SIGLEC5: variants seen among roughly 807,000 people sequenced by gnomAD.
SIGLEC5 encodes sialic acid binding Ig like lectin 5.
A neutral mutation model predicts 45.9 loss-of-function variants in SIGLEC5; 34 were observed. The ratio of observed to expected loss-of-function variants is 0.74; its 90% confidence interval spans 0.56 to 0.99. The LOEUF (loss-of-function observed/expected upper bound fraction) is 0.99. SIGLEC5 is among the 50% of genes least tolerant of loss of function. SIGLEC5 has a pLI of 0.00. For synonymous variants in SIGLEC5, 203 were observed against 258.6 expected, an observed-to-expected ratio of 0.79 and a Z score of 2.06; for missense variants, 508 against 629.6, an observed-to-expected ratio of 0.81 and a Z score of 2.07.
Position 51,612,230 on chromosome 19 carries a change from C to G in SIGLEC5, c.*1G>C. 1.9e-6 allele frequency: 3 copies of G among 1,589,834 alleles called. No individual in the cohort carries two copies. Among genetic ancestry groups the G allele is most frequent in the Non-Finnish European group, 1.7e-6 (2 of 1,164,502 alleles). On this transcript the variant is annotated 3_prime_UTR_variant, in exon 9 of 9. Coordinates refer to ENST00000683636, the MANE Select transcript of SIGLEC5 (RefSeq NM_003830.4). ...GCCAGGACTGAACTCTGGGCAAATC[C>G]TCACTTGCTTGTCTTGATCTCCGAG...
chr19:51,612,241 G>T lies in SIGLEC5; in HGVS notation c.1646C>A (p.Thr549Lys). The change falls in exon 9 of 9, where the codon ACA (threonine) becomes AAA (lysine). Residue 549 changes from threonine to lysine, a missense_variant. Coordinates refer to ENST00000683636, the MANE Select transcript of SIGLEC5 (RefSeq NM_003830.4). ...PSTTEYSEIK[T>K]SK ...ACTCTGGGCAAATCCTCACTTGCTT[G>T]TCTTGATCTCCGAGTACTCCGTGGT... 2 of 1,599,704 alleles carry T rather than the reference G, an allele frequency of 1.3e-6. No homozygotes were observed. Among genetic ancestry groups the T allele is most frequent in the South Asian group, 2.2e-5 (2 of 89,974 alleles).
chr19:51,623,766 G>A (rs540294401), intron 8 of SIGLEC5, among the ~76,000 whole-genome samples: 6 of 152,238 alleles, frequency 3.9e-5, no homozygotes, highest in Non-Finnish European at 5.9e-5. Flanking sequence ...CAATCTTTAG[G>A]TGATGCTAAA....
At chr19:51,627,011 C>A in intron 7 of SIGLEC5, 138 bp downstream of exon 7, 3 of 636,856 alleles carry the variant, frequency 4.7e-6, no homozygotes, top group Non-Finnish European at 8.2e-6. Flanking sequence ...TCAAGTGATC[C>A]TCCTGCCTCA....
chr19:51,613,760 G>A (rs1387097462), intron 8 of SIGLEC5, among the ~76,000 whole-genome samples: 1 of 152,048 alleles, frequency 6.6e-6, no homozygotes, highest in Admixed American at 6.6e-5. Flanking sequence ...TAAGTAGCTT[G>A]CCCAGGGTTA....
At chr19:51,615,665 G>A (rs1056859645) in intron 8 of SIGLEC5, among the ~76,000 whole-genome samples, 5 of 152,224 alleles carry the variant, frequency 3.3e-5, no homozygotes, top group African/African-American at 9.6e-5. Flanking sequence ...GCTTCTCCAC[G>A]AGGGTCTGAA....
intron 8 of SIGLEC5, among the ~76,000 whole-genome samples, chr19:51,613,473 A>G (rs1448475246): frequency 4.6e-5 from 7 of 152,228 alleles, no homozygotes; most frequent in Middle Eastern, 6.8e-3. Flanking sequence ...TGCCTAGGTC[A>G]GGGTCTATGT....
chr19:51,627,313 TG>T, intron 6 of SIGLEC5, 65 bp from the exon 7 acceptor site: 1 of 1,565,044 alleles, frequency 6.4e-7, no homozygotes, highest in East Asian at 2.2e-5. Context: ...TCCCACCTGC[TG>T]GGCAACTTGC....
chr19:51,627,874 C>T lies in SIGLEC5; in HGVS notation c.957G>A (p.Pro319=), dbSNP rs528680868. The T allele has an allele frequency of 8.2e-5, 132 of 1,610,986 alleles. No homozygotes were observed. The South Asian group carries it at 1.3e-3, about 16-fold the overall frequency. The change falls in exon 5 of 9, where the codon CCG becomes CCA. Residue 319 remains proline, a synonymous_variant. Transcript: ENST00000683636. ...TCAGAAAAATTTGCAGGAAGCCCAG[C>T]GGGTGCTGAGCGCGGCAGGTGAAGC... ...EGGFTCRAQH[P]LGFLQIFLNL... is the part of the protein sequence containing the mutation.
chr19:51,628,083 T>A lies in SIGLEC5; in HGVS notation c.748A>T (p.Ile250Phe), dbSNP rs751141302. The change falls in exon 5 of 9, where the codon ATC (isoleucine) becomes TTC (phenylalanine). Residue 250 changes from isoleucine to phenylalanine, a missense_variant. Ile to Phe is a conservative substitution (Grantham distance 21, BLOSUM62 0). Transcript: ENST00000683636. ...GGAAGGTATGAGGTGTTTTGCAGGATCTCTAGGGCTTTGGGGAGAGAAGGG... is the reference window on the plus strand; with the variant it reads ...GGAAGGTATGAGGTGTTTTGCAGGAACTCTAGGGCTTTGGGGAGAGAAGGG... ...TIFRNGIALEILQNTSYLPVL... is the reference protein window; with the variant it reads ...TIFRNGIALEFLQNTSYLPVL... The A allele has an allele frequency of 2.0e-6, 3 of 1,529,194 alleles. No individual in the cohort carries two copies. The highest frequency in any genetic ancestry group is 2.6e-6 in the Non-Finnish European group (3 of 1,137,406). The allele number at this position is 1,529,194 out of a possible 1,614,324, so 94.7% of individuals were successfully genotyped here.
rs371481834 is a variant in SIGLEC5, at chr19:51,629,041, T to C, written c.736A>G (p.Ile246Val). 8.9e-5 allele frequency: 144 copies of C among 1,613,766 alleles called. No individual in the cohort carries two copies. The highest frequency in any genetic ancestry group is 1.2e-4 in the Non-Finnish European group (143 of 1,179,882). ...TCAGAGAGGAGGTCTTTCCTACCTA[T>C]GCCGTTCCTGAAGATGGTGATGGTC... ...PQTITIFRNG[I>V]ALEILQNTSY... is the part of the protein sequence containing the mutation. The change falls in exon 4 of 9, where the codon ATA becomes GTA. Residue 246 changes from isoleucine to valine, a missense_variant. This residue lies in a region of SIGLEC5 where 431 missense variants were observed against 428.8 expected (regional missense o/e 1.01). Transcript: ENST00000683636.
chr19:51,628,599 G>A (rs917321348), intron 4 of SIGLEC5, among the ~76,000 whole-genome samples: 7 of 151,582 alleles, frequency 4.6e-5, no homozygotes, highest in Non-Finnish European at 5.9e-5. Flanking sequence ...GTGTGCGTGT[G>A]CGGGTGTACG....
At chr19:51,623,587 T>C (rs1179070796) in intron 8 of SIGLEC5, among the ~76,000 whole-genome samples, 1 of 152,044 alleles carries the variant, frequency 6.6e-6, no homozygotes, top group Non-Finnish European at 1.5e-5. Context: ...AATACCATAG[T>C]GAGATAGTAA....
Position 51,618,443 on chromosome 19 carries a change from T to TAAAAAAAAAAAAAAAAAA in SIGLEC5, c.1465-6039_1465-6022dup, listed in dbSNP as rs1228951315. Among the ~76,000 whole-genome samples the TAAAAAAAAAAAAAAAAAA allele has an allele frequency of 6.1e-4, 30 of 49,450 alleles. 2 individuals carry two copies. Among genetic ancestry groups the TAAAAAAAAAAAAAAAAAA allele is most frequent in the Admixed American group, 1.3e-3 (4 of 3,122 alleles). 32.4% of individuals were successfully genotyped at this position (49,450 alleles called of 152,430 possible). On this transcript the variant is annotated intron_variant, in intron 8 of 8. Transcript: ENST00000683636. ...CCGCATGAGTGAGTGAGACCCTGCC[T>TAAAAAAAAAAAAAAAAAA]AAAAAAAAAAAAAAAAAAAAAAAAA...
chr19:51,618,792 CAAAAAAAAAAAAAAAA>C (rs398035001), intron 8 of SIGLEC5, among the ~76,000 whole-genome samples: 1 of 48,312 alleles, frequency 2.1e-5, no homozygotes, highest in Admixed American at 3.4e-4. Flanking sequence ...ACTCTGTCTC[CAAAAAAAAAAAAAAAA>C]AAAAAAAAGC....
Position 51,627,642 on chromosome 19 carries a change from C to T in SIGLEC5, c.1102G>A (p.Glu368Lys), listed in dbSNP as rs556965366. ...RPAPSLCWRLEEKPLEGNSSQ... is the reference protein window; with the variant it reads ...RPAPSLCWRLKEKPLEGNSSQ... ...CTGTTCCCCTCCAGCGGCTTCTCCTCAAGCCGCCAGCACAGGGAGGGGGCC... is the reference window on the plus strand; with the variant it reads ...CTGTTCCCCTCCAGCGGCTTCTCCTTAAGCCGCCAGCACAGGGAGGGGGCC... The change falls in exon 6 of 9, where the codon GAG becomes AAG. Residue 368 changes from glutamate (E) to lysine (K), a missense_variant. By Grantham distance (56) the Glu-to-Lys change is moderately conservative (BLOSUM62 1). Around this residue, in one of 2 missense-constraint regions of SIGLEC5, gnomAD observed 431 missense variants for 428.8 expected, o/e 1.01. Coordinates refer to ENST00000683636, the MANE Select transcript of SIGLEC5 (RefSeq NM_003830.4). 3.1e-6 allele frequency: 5 copies of T among 1,611,738 alleles called. No individual in the cohort carries two copies. Among genetic ancestry groups the T allele is most frequent in the Admixed American group, 1.7e-5 (1 of 59,754 alleles).
At chr19:51,622,256 C>T (rs1983317212) in intron 8 of SIGLEC5, among the ~76,000 whole-genome samples, 2 of 151,916 alleles carry the variant, frequency 1.3e-5, no homozygotes, top group Non-Finnish European at 2.9e-5. Context: ...CTCAGCCTCC[C>T]GAGTAGCTGG....
At chr19:51,614,585 C>T (rs1357353958) in intron 8 of SIGLEC5, among the ~76,000 whole-genome samples, 2 of 151,892 alleles carry the variant, frequency 1.3e-5, no homozygotes. Context: ...ATTATGCAGG[C>T]AAAGGAAGAA....
At chr19:51,626,007 A>G (rs753824287) in intron 8 of SIGLEC5, 25 bp downstream of exon 8, 9 of 1,599,566 alleles carry the variant, frequency 5.6e-6, no homozygotes, top group Non-Finnish European at 7.7e-6. Flanking sequence ...GGACATGCAC[A>G]TGAGAAGATC....
chr19:51,626,536 G>A (rs987606516), intron 7 of SIGLEC5, among the ~76,000 whole-genome samples: 2 of 152,102 alleles, frequency 1.3e-5, no homozygotes, highest in African/African-American at 4.8e-5. Context: ...AAAACATTAG[G>A]CCGAGTGAAA....
Sources: allele counts gnomAD v4.1 joint callset (sites outside exome capture counted in the v4.1 genomes callset), GRCh38; gene constraint gnomAD v4.1.1; regional missense constraint gnomAD v4.1.1; transcripts MANE v1.5; gene names NCBI Gene and HGNC (gene_info 2026-07-23, HGNC 2026-07-21).